Variants in BLVRA observed in about 807,000 individuals in gnomAD.
BLVRA encodes the protein biliverdin reductase A.
BLVRA carries 22 observed loss-of-function variants against 32.8 expected under a neutral mutation model. That is an observed-to-expected ratio of 0.67 (90% CI 0.48 to 0.96). The LOEUF (loss-of-function observed/expected upper bound fraction) is 0.96, where lower values mean the gene tolerates loss of function less well. Ranked by LOEUF, BLVRA falls within the 40% of genes least tolerant of loss-of-function variation. The probability of loss-of-function intolerance (pLI) is 0.00; values close to 1 mark genes in which losing one functional copy is unlikely to be tolerated. For synonymous variants in BLVRA, 119 were observed against 141.3 expected (o/e 0.84, Z 1.12); for missense variants, 323 against 358.1 (o/e 0.90, Z 0.79).
At chr7:43,789,649 A>T (rs1045981200) in intron 3 of BLVRA, among the ~76,000 whole-genome samples, 1 of 150,984 alleles carries the variant, frequency 6.6e-6, no homozygotes, top group African/African-American at 2.4e-5. Context: ...GAACACCTAC[A>T]CTACCCAGGT....
intron 2 of BLVRA, among the ~76,000 whole-genome samples, chr7:43,775,116 T>C (rs958060764): frequency 2.6e-5 from 4 of 152,074 alleles, no homozygotes; most frequent in African/African-American, 9.7e-5. Flanking sequence ...CTTTTCCTAA[T>C]TGAATACCCT....
chr7:43,803,662 G>C lies in BLVRA; in HGVS notation c.461-14G>C, dbSNP rs1029904131. ...CTGCTTCCCAGTTCCCACAGCATTT[G>C]TGATTTCCCACAGCTGGCCCGTTGG... On this transcript the variant is annotated splice_polypyrimidine_tract_variant and intron_variant, in intron 6 of 7. Transcript: ENST00000265523. 2.5e-6 allele frequency: 4 copies of C among 1,589,928 alleles called. No individual in the cohort carries two copies. In the South Asian group the frequency reaches 3.3e-5, roughly 13 times the overall value.
chr7:43,762,569 A>G (rs932110647), intron 1 of BLVRA, among the ~76,000 whole-genome samples: 5 of 149,672 alleles, frequency 3.3e-5, no homozygotes, highest in Non-Finnish European at 5.9e-5. Flanking sequence ...GAGCTTTGTC[A>G]GCAATAATTT....
chr7:43,791,752 G>T, intron 4 of BLVRA: 1 of 221,782 alleles, frequency 4.5e-6, no homozygotes, highest in Non-Finnish European at 9.2e-6. Context: ...TTCTCAGTTT[G>T]GATCAGCTTC....
At chr7:43,806,822 T>C (rs1188948219) in intron 7 of BLVRA, among the ~76,000 whole-genome samples, 155 bp from the exon 8 acceptor site, 1 of 151,590 alleles carries the variant, frequency 6.6e-6, no homozygotes, top group Non-Finnish European at 1.5e-5. Context: ...GGCTGTGAGG[T>C]TGACACAGTC....
Position 43,787,835 on chromosome 7 carries a change from T to G in BLVRA, c.13-69T>G. On this transcript the variant is annotated intron_variant, in intron 2 of 7. Coordinates refer to ENST00000265523, the MANE Select transcript of BLVRA (RefSeq NM_000712.4). The surrounding 1 kb of genome is among the most constrained non-coding windows in gnomAD (Gnocchi z 4.5). ...TGCTCGTCGGGACCCTGCCAGCTCCTTTGTTTTGTAGTTTTCTGCTCGATG... is the reference window on the plus strand; with the variant it reads ...TGCTCGTCGGGACCCTGCCAGCTCCGTTGTTTTGTAGTTTTCTGCTCGATG... 6.2e-7 allele frequency: 1 copy of G among 1,613,236 alleles called. No homozygotes were observed. The highest frequency in any genetic ancestry group is 8.5e-7 in the Non-Finnish European group (1 of 1,179,270).
intron 2 of BLVRA, among the ~76,000 whole-genome samples, chr7:43,780,252 TCTG>T (rs1042206722): frequency 3.3e-5 from 5 of 152,096 alleles, no homozygotes; most frequent in African/African-American, 1.2e-4. Flanking sequence ...CTGCCCCAAA[TCTG>T]CTCCTCCTCG....
intron 2 of BLVRA, among the ~76,000 whole-genome samples, chr7:43,773,174 C>G (rs148124250): frequency 1.3e-5 from 2 of 151,860 alleles, no homozygotes; most frequent in Non-Finnish European, 1.5e-5. Context: ...TTTTAGGGTA[C>G]ATGTGCATAA....
intron 5 of BLVRA, among the ~76,000 whole-genome samples, chr7:43,794,249 C>A (rs1413241398): frequency 3.3e-5 from 5 of 151,876 alleles, no homozygotes; most frequent in African/African-American, 2.4e-5. Context: ...AATAAAAATT[C>A]TTTAAAAGAC....
intron 2 of BLVRA, among the ~76,000 whole-genome samples, chr7:43,779,743 C>T (rs975969432): frequency 6.6e-6 from 1 of 152,194 alleles, no homozygotes; most frequent in African/African-American, 2.4e-5. Context: ...CACCCTGGTC[C>T]AGGAGCAGTT....
intron 1 of BLVRA, chr7:43,767,500 T>A: frequency 7.9e-7 from 1 of 1,265,890 alleles, no homozygotes. Flanking sequence ...TTTATGCTGC[T>A]ATTGTTGCCG....
At position 43,800,558 on chromosome 7, in the gene BLVRA, C is replaced by A; in HGVS notation, c.446C>A (p.Ser149Ter). 6.2e-7 allele frequency: 1 copy of A among 1,613,824 alleles called. No homozygotes were observed. The highest frequency in any genetic ancestry group is 8.5e-7 in the Non-Finnish European group (1 of 1,179,794). Reference sequence around the variant, plus strand: ...GTGGGGAAAGACCTGCTGAAAGGGTCGCTCCTCTTCACAGGTCAGTGCTAC... The same window carrying A: ...GTGGGGAAAGACCTGCTGAAAGGGTAGCTCCTCTTCACAGGTCAGTGCTAC... The part of the protein sequence containing the change: ...EVVGKDLLKG[S>*]LLFTAGPLEE... Residue 149 changes from serine (S) to a stop codon, truncating the protein, a stop_gained, in exon 6 of 8, where the codon TCG becomes TAG. Transcript: ENST00000265523. LOFTEE classifies it high-confidence loss of function.
intron 5 of BLVRA, among the ~76,000 whole-genome samples, chr7:43,798,986 G>A (rs1307159389): frequency 1.3e-5 from 2 of 152,066 alleles, no homozygotes. Flanking sequence ...ACGGTGGGGT[G>A]GGGGGCAGTG....
At chr7:43,786,232 A>T (rs939073594) in intron 2 of BLVRA, among the ~76,000 whole-genome samples, 17 of 152,338 alleles carry the variant, frequency 1.1e-4, no homozygotes, top group Admixed American at 1.1e-3. Context: ...GAAATTGGGA[A>T]TGGATTGTTA....
chr7:43,781,829 A>T (rs993765572), intron 2 of BLVRA, among the ~76,000 whole-genome samples: 5 of 152,226 alleles, frequency 3.3e-5, no homozygotes, highest in Admixed American at 3.3e-4. Flanking sequence ...AATGAGCAAT[A>T]AGTCAATTGC....
intron 5 of BLVRA, among the ~76,000 whole-genome samples, chr7:43,797,461 A>G (rs539164766): frequency 1.2e-4 from 18 of 152,358 alleles, no homozygotes; most frequent in African/African-American, 4.3e-4. Flanking sequence ...TTAACAAACT[A>G]CAATATAGTA....
rs79731176 is a variant in BLVRA, at chr7:43,787,662, C to T, written c.13-242C>T. ...TGGGGGAACACTTTCTGTGGGTACT[C>T]GGAAGGTTTTCAACCTAAAGACATG... is the stretch of plus-strand genomic sequence containing the variant. On this transcript the variant is annotated intron_variant, in intron 2 of 7. Coordinates refer to ENST00000265523, the MANE Select transcript of BLVRA (RefSeq NM_000712.4). This position sits in a 1 kb window ranked among gnomAD's most constrained non-coding sequence, Gnocchi z 4.5. Among the ~76,000 whole-genome samples the T allele has an allele frequency of 3.3e-5, 5 of 152,248 alleles. No individual in the cohort carries two copies. The highest frequency in any genetic ancestry group is 3.9e-4 in the East Asian group (2 of 5,178).
Position 43,791,100 on chromosome 7 carries a change from A to G in BLVRA, c.135-149A>G, listed in dbSNP as rs187665820. 449 of 1,438,164 alleles carry G rather than the reference A, an allele frequency of 3.1e-4. 5 individuals are homozygous for G. The East Asian group carries it at 8.6e-3, about 27-fold the overall frequency. The allele number at this position is 1,438,164 out of a possible 1,614,324, so 89.1% of individuals were successfully genotyped here. ...CTGAGGCTATTTTTCTCACTCCACA[A>G]TGGAAAATAGCCTGGAAGTGGGAGA... On this transcript the variant is annotated intron_variant, in intron 3 of 7. Coordinates refer to ENST00000265523, the MANE Select transcript of BLVRA (RefSeq NM_000712.4).
chr7:43,783,794 G>A (rs895154355), intron 2 of BLVRA, among the ~76,000 whole-genome samples: 2 of 152,108 alleles, frequency 1.3e-5, no homozygotes, highest in South Asian at 4.1e-4. Flanking sequence ...CAACCAATGT[G>A]TTATCAAACT....
Sources: gnomAD v4.1 joint callset for allele counts (sites outside exome capture counted in the v4.1 genomes callset) on GRCh38, gnomAD v4.1.1 for gene constraint, Gnocchi (gnomAD v3.1) non-coding constraint, MANE v1.5 for transcripts, NCBI Gene and HGNC (gene_info 2026-07-23, HGNC 2026-07-21) for gene names.